Variants in PCNX2 observed in about 807,000 individuals in gnomAD.
PCNX2 encodes the protein pecanex-like protein 2.
A neutral mutation model predicts 223.8 loss-of-function variants in PCNX2; 168 were observed. That is an observed-to-expected ratio of 0.75 (90% confidence interval 0.66 to 0.85). The LOEUF (loss-of-function observed/expected upper bound fraction) is 0.85. Ranked by LOEUF, PCNX2 falls within the 40% of genes least tolerant of loss-of-function variation. PCNX2 has a pLI of 0.00. For synonymous variants in PCNX2, 1,006 were observed against 1,052.6 expected (o/e 0.96, Z 0.86); for missense variants, 2,507 against 2,675.5 (o/e 0.94, Z 1.39).
chr1:233,240,135 C>T (rs930769675), intron 8 of PCNX2, among the ~76,000 whole-genome samples: 3 of 152,126 alleles, frequency 2.0e-5, no homozygotes, highest in Admixed American at 6.5e-5. Flanking sequence ...CAAATGGAGA[C>T]GTTTCCCTTA....
At chr1:233,299,430 T>A (rs1441035997), upstream of PCNX2, among the ~76,000 whole-genome samples, 1 of 152,230 alleles carries the variant, frequency 6.6e-6, no homozygotes, top group African/African-American at 2.4e-5. Flanking sequence ...GGAGCAACTC[T>A]AGCTTTCAAA....
At chr1:233,290,681 C>A in intron 1 of PCNX2, 1 of 924,822 alleles carries the variant, frequency 1.1e-6, no homozygotes, top group Non-Finnish European at 1.3e-6. Context: ...TATGCTAGTG[C>A]TTGACAGATA....
intron 23 of PCNX2, among the ~76,000 whole-genome samples, chr1:233,077,109 T>C (rs985725907): frequency 5.9e-5 from 9 of 152,100 alleles, no homozygotes; most frequent in African/African-American, 1.4e-4. Context: ...ACTAAACAGG[T>C]AGTCACTTTA....
chr1:233,138,981 G>A (rs545852405), intron 20 of PCNX2, among the ~76,000 whole-genome samples: 1 of 152,178 alleles, frequency 6.6e-6, no homozygotes, highest in Admixed American at 6.5e-5. Context: ...ATGCATCAGG[G>A]TTGACTTGGA....
intron 1 of PCNX2, among the ~76,000 whole-genome samples, chr1:233,271,221 C>T (rs1660622094): frequency 6.6e-6 from 1 of 152,144 alleles, no homozygotes; most frequent in African/African-American, 2.4e-5. Context: ...ATCCATGTCA[C>T]ATGTCTCCTA....
chr1:233,292,789 G>GA (rs1218885955), intron 1 of PCNX2, among the ~76,000 whole-genome samples: 1 of 151,894 alleles, frequency 6.6e-6, no homozygotes, highest in Non-Finnish European at 1.5e-5. Context: ...ACCAAAGCAA[G>GA]AAAAAAATAA....
At position 233,250,745 on chromosome 1, in the gene PCNX2, T is replaced by TGA; in HGVS notation, c.2214_2215dup (p.Gln739LeufsTer37). 1 of 1,604,712 alleles carries TGA rather than the reference T, an allele frequency of 6.2e-7. No individual in the cohort carries two copies. Among genetic ancestry groups the TGA allele is most frequent in the South Asian group, 1.1e-5 (1 of 88,518 alleles). ...GAAACAAAGCTCCACTCACCGAGCCTGAGAGAGACAGTCATTATTTGATGG... is the reference window on the plus strand; with the variant it reads ...GAAACAAAGCTCCACTCACCGAGCCTGAGAGAGAGACAGTCATTATTTGATGG... On this transcript the variant is annotated frameshift_variant, in exon 8 of 34. Transcript: ENST00000258229. LOFTEE classifies it high-confidence loss of function.
chr1:233,121,002 A>G (rs1379860441), intron 21 of PCNX2, among the ~76,000 whole-genome samples: 1 of 152,072 alleles, frequency 6.6e-6, no homozygotes, highest in African/African-American at 2.4e-5. Context: ...GTCAATAAAC[A>G]AAAGTCAATT....
Position 233,258,984 on chromosome 1 carries a change from C to T in PCNX2, c.878G>A (p.Gly293Asp), listed in dbSNP as rs757994775. 2 of 1,613,942 alleles carry T rather than the reference C, an allele frequency of 1.2e-6. No individual in the cohort carries two copies. The highest frequency in any genetic ancestry group is 2.2e-5 in the East Asian group (1 of 44,852). The part of the protein sequence containing the change: ...LIPEPVSCPR[G>D]SIRERVQSKS... Reference sequence around the variant, plus strand: ...GCTTTGTACCCGTTCCCTTATGGAGCCCCGGGGACAACTGACAGGTTCTGG... The same window carrying T: ...GCTTTGTACCCGTTCCCTTATGGAGTCCCGGGGACAACTGACAGGTTCTGG... Residue 293 changes from glycine to aspartate, a missense_variant, in exon 5 of 34, where the codon GGC becomes GAC. Coordinates refer to ENST00000258229, the MANE Select transcript of PCNX2 (RefSeq NM_014801.4).
intron 23 of PCNX2, among the ~76,000 whole-genome samples, chr1:233,069,733 T>C (rs746271014): frequency 2.6e-4 from 39 of 151,984 alleles, no homozygotes; most frequent in Non-Finnish European, 1.3e-4. Flanking sequence ...TTGTCGAACA[T>C]AGCTAAAGAA....
chr1:233,299,189 G>A (rs1387748299), upstream of PCNX2, among the ~76,000 whole-genome samples: 1 of 152,090 alleles, frequency 6.6e-6, no homozygotes, highest in Non-Finnish European at 1.5e-5. Flanking sequence ...AGAACCAGGA[G>A]GAAACCTAAA....
intron 19 of PCNX2, among the ~76,000 whole-genome samples, chr1:233,148,961 G>A (rs967659957): frequency 2.0e-5 from 3 of 152,232 alleles, no homozygotes; most frequent in Non-Finnish European, 4.4e-5. Flanking sequence ...CACCAACCAT[G>A]AAAGGCTAGA....
intron 21 of PCNX2, among the ~76,000 whole-genome samples, chr1:233,105,049 C>A (rs957679974): frequency 6.6e-6 from 1 of 152,054 alleles, no homozygotes; most frequent in African/African-American, 2.4e-5. Flanking sequence ...AAATGTGCAT[C>A]TTAGAAAAAC....
chr1:233,162,643 A>G (rs1678564495), intron 17 of PCNX2, among the ~76,000 whole-genome samples: 1 of 152,206 alleles, frequency 6.6e-6, no homozygotes, highest in Admixed American at 6.5e-5. Flanking sequence ...AACAGGCCAT[A>G]TATTGCTTCC....
chr1:233,147,060 C>G (rs2475159), intron 19 of PCNX2, among the ~76,000 whole-genome samples: 68,800 of 152,040 alleles, frequency 0.45, 17,414 homozygotes, highest in African/African-American at 0.68. Context: ...CCAAATATTT[C>G]AGAGTGAAAT....
chr1:233,164,716 C>A (rs1678689178), intron 17 of PCNX2, among the ~76,000 whole-genome samples: 1 of 151,934 alleles, frequency 6.6e-6, no homozygotes, highest in African/African-American at 2.4e-5. Context: ...GTAATCCTGT[C>A]ATTTTGCAGC....
chr1:233,264,654 C>T (rs1175897359), intron 1 of PCNX2, among the ~76,000 whole-genome samples: 3 of 152,030 alleles, frequency 2.0e-5, no homozygotes, highest in African/African-American at 7.2e-5. Context: ...AAATAAGTGA[C>T]GGAATAACTA....
chr1:233,221,378 T>G (rs567967512), intron 10 of PCNX2, among the ~76,000 whole-genome samples: 1 of 151,890 alleles, frequency 6.6e-6, no homozygotes, highest in African/African-American at 2.4e-5. Context: ...GAAATAAAAT[T>G]TCAAAGAAAA....
intron 23 of PCNX2, among the ~76,000 whole-genome samples, chr1:233,088,498 G>C (rs1267574544): frequency 6.6e-6 from 1 of 152,116 alleles, no homozygotes; most frequent in African/African-American, 2.4e-5. Context: ...AGCCAACTGT[G>C]GTAGTTTTTT....
Sources: gnomAD v4.1 joint callset for allele counts (sites outside exome capture counted in the v4.1 genomes callset) on GRCh38, gnomAD v4.1.1 for gene constraint, MANE v1.5 for transcripts, NCBI Gene and HGNC (gene_info 2026-07-23, HGNC 2026-07-21) for gene names.